KAZN: variants seen among roughly 807,000 people sequenced by gnomAD.
The protein encoded by KAZN is kazrin.
A neutral mutation model predicts 87.4 loss-of-function variants in KAZN; 40 were observed. The ratio of observed to expected loss-of-function variants is 0.46; its 90% CI spans 0.36 to 0.60. The LOEUF is 0.60. Ranked by LOEUF, KAZN falls within the 20% of genes least tolerant of loss-of-function variation. The probability of loss-of-function intolerance (pLI) is 0.00; values close to 1 mark genes in which losing one functional copy is unlikely to be tolerated. For missense variants in KAZN, 898 were observed against 1,073.9 expected (o/e 0.84, Z 2.29); for synonymous variants, 466 against 458.3 (o/e 1.02, Z -0.22).
chr1:14,317,516 C>G (rs1047952357), intron 2 of KAZN, among the ~76,000 whole-genome samples: 11 of 151,938 alleles, frequency 7.2e-5, no homozygotes, highest in Non-Finnish European at 1.6e-4. Flanking sequence ...GTTTGGATCA[C>G]TTACATTTGA....
chr1:14,905,129 G>C (rs897372652), intron 1 of KAZN, among the ~76,000 whole-genome samples: 1 of 152,074 alleles, frequency 6.6e-6, no homozygotes, highest in African/African-American at 2.4e-5. Context: ...CGTGATCTTG[G>C]CTCCCTGCAA....
At chr1:14,025,417 A>G (rs1045974583) in intron 1 of KAZN, among the ~76,000 whole-genome samples, 31 of 152,222 alleles carry the variant, frequency 2.0e-4, no homozygotes, top group Non-Finnish European at 4.1e-4. Context: ...CATCATCAAC[A>G]TCACCTGGGA....
chr1:14,030,275 TTGTC>T (rs1196052854), intron 1 of KAZN, among the ~76,000 whole-genome samples: 7 of 152,038 alleles, frequency 4.6e-5, no homozygotes, highest in Admixed American at 2.0e-4. Context: ...GGCTCTCTGT[TTGTC>T]TGTTGTTGGA....
chr1:14,155,301 T>C (rs931945447), intron 1 of KAZN, among the ~76,000 whole-genome samples: 1 of 152,188 alleles, frequency 6.6e-6, no homozygotes, highest in African/African-American at 2.4e-5. Context: ...GTCTTCTAGA[T>C]TTTCCAATTT....
chr1:15,030,469 G>A (rs974045736), intron 2 of KAZN, among the ~76,000 whole-genome samples: 1 of 152,138 alleles, frequency 6.6e-6, no homozygotes, highest in African/African-American at 2.4e-5. Context: ...GGTTTCACAT[G>A]TTGGCCAGGC....
intron 2 of KAZN, among the ~76,000 whole-genome samples, chr1:14,364,488 T>C (rs1659799276): frequency 6.6e-6 from 1 of 152,190 alleles, no homozygotes; most frequent in East Asian, 1.9e-4. Context: ...AAAATGGGAA[T>C]AATGATGCTG....
chr1:14,407,637 C>T (rs995051610), intron 2 of KAZN, among the ~76,000 whole-genome samples: 3 of 152,210 alleles, frequency 2.0e-5, no homozygotes, highest in African/African-American at 7.2e-5. Flanking sequence ...TCTCTCTACA[C>T]TCATGTTATG....
chr1:14,172,966 C>T (rs1386529462), intron 1 of KAZN, among the ~76,000 whole-genome samples: 2 of 152,232 alleles, frequency 1.3e-5, no homozygotes, highest in Admixed American at 1.3e-4. Context: ...GGCAGCTTCT[C>T]CCAGAAGGAG....
At chr1:14,645,363 C>G (rs558309898) in intron 1 of KAZN, among the ~76,000 whole-genome samples, 106 of 152,282 alleles carry the variant, frequency 7.0e-4, no homozygotes, top group African/African-American at 2.5e-3. Context: ...TTGATAGGAA[C>G]AGCATTGAAT....
chr1:14,670,215 C>A (rs1442759509), intron 1 of KAZN, among the ~76,000 whole-genome samples: 1 of 151,996 alleles, frequency 6.6e-6, no homozygotes, highest in East Asian at 1.9e-4. Context: ...TCTCTCCCCA[C>A]AAGATAGTTC....
Position 14,800,174 on chromosome 1 carries a change from C to A in KAZN, c.227-160510C>A, listed in dbSNP as rs192561233. Among the ~76,000 whole-genome samples the A allele has an allele frequency of 5.0e-4, 76 of 152,284 alleles. 1 individual carries two copies. The highest frequency in any genetic ancestry group is 4.3e-3 in the Admixed American group (66 of 15,298). ...AAGGCTGACCCAGCATGGCAGATCT[C>A]CAGGTTTTTGTGATCCCAAAACCAA... On this transcript the variant is annotated intron_variant, in intron 1 of 14. Coordinates refer to ENST00000376030, the MANE Select transcript of KAZN (RefSeq NM_201628.3).
chr1:15,044,260 G>A, intron 4 of KAZN, 101 bp downstream of exon 4: 2 of 1,070,146 alleles, frequency 1.9e-6, no homozygotes, highest in Non-Finnish European at 2.6e-6. Flanking sequence ...CCTAGGGTGG[G>A]GTGGGTGGGG....
At chr1:14,411,765 C>T (rs187672833) in intron 2 of KAZN, among the ~76,000 whole-genome samples, 10 of 152,184 alleles carry the variant, frequency 6.6e-5, no homozygotes, top group Admixed American at 3.9e-4. Flanking sequence ...GAAAATCAAG[C>T]ATCAAATGTG....
chr1:14,770,381 C>G (rs1644989795), intron 1 of KAZN, among the ~76,000 whole-genome samples: 1 of 152,042 alleles, frequency 6.6e-6, no homozygotes, highest in Admixed American at 6.6e-5. Flanking sequence ...ACGGATAATG[C>G]CAGGGATATA....
At chr1:14,839,218 G>T (rs1037468998) in intron 1 of KAZN, among the ~76,000 whole-genome samples, 18 of 152,130 alleles carry the variant, frequency 1.2e-4, no homozygotes, top group South Asian at 2.1e-4. Flanking sequence ...GATTAAGACT[G>T]CAGTCTCCGG....
At chr1:14,729,204 G>A (rs775208383) in intron 1 of KAZN, among the ~76,000 whole-genome samples, 2 of 152,218 alleles carry the variant, frequency 1.3e-5, no homozygotes, top group Non-Finnish European at 2.9e-5. Flanking sequence ...AGGAGGGACA[G>A]CAAAGAAATG....
At chr1:14,988,641 T>C (rs1470371988) in intron 2 of KAZN, among the ~76,000 whole-genome samples, 1 of 152,248 alleles carries the variant, frequency 6.6e-6, no homozygotes, top group Non-Finnish European at 1.5e-5. Context: ...TCCAGCCAGC[T>C]GTGCTTCTGA....
At chr1:14,371,103 C>G (rs138047484) in intron 2 of KAZN, among the ~76,000 whole-genome samples, 28 of 152,258 alleles carry the variant, frequency 1.8e-4, no homozygotes, top group African/African-American at 6.7e-4. Flanking sequence ...CGTTAGTGTG[C>G]ATCAGAAACA....
At chr1:14,076,789 A>G (rs1397047419) in intron 1 of KAZN, among the ~76,000 whole-genome samples, 1 of 152,152 alleles carries the variant, frequency 6.6e-6, no homozygotes, top group Non-Finnish European at 1.5e-5. Flanking sequence ...TTCTATAAAA[A>G]GTTTGCAGGC....
Sources: allele counts gnomAD v4.1 joint callset (sites outside exome capture counted in the v4.1 genomes callset), GRCh38; gene constraint gnomAD v4.1.1; transcripts MANE v1.5; gene names NCBI Gene and HGNC (gene_info 2026-07-23, HGNC 2026-07-21).